Variants in CTNNA3 observed in about 807,000 individuals in gnomAD.
CTNNA3 encodes the protein catenin alpha-3.
CTNNA3 carries 76 observed loss-of-function variants against 95.7 expected under a neutral mutation model. The ratio of observed to expected loss-of-function variants is 0.79; its 90% confidence interval spans 0.66 to 0.96. The LOEUF is 0.96. Among genes scored for constraint, CTNNA3 ranks in the 40% least tolerant of loss-of-function variants. The probability of loss-of-function intolerance (pLI) is 0.00; values close to 1 mark genes in which losing one functional copy is unlikely to be tolerated. For missense variants in CTNNA3, 1,191 were observed against 1,089.8 expected (o/e 1.09, Z -1.31); for synonymous variants, 431 against 374.4 (o/e 1.15, Z -1.74).
rs967162602 is a variant in CTNNA3, at chr10:67,085,356, A to G, written c.1047+94961T>C. On this transcript the variant is annotated intron_variant, in intron 7 of 17. Transcript: ENST00000433211. ...ATCCTATGAAATAAAGTAAGAAAAA[A>G]TGAACCCTAATTTGTAAATGCTAGA... Among the ~76,000 whole-genome samples the G allele has an allele frequency of 2.0e-5, 3 of 152,002 alleles. No individual in the cohort carries two copies. The East Asian group carries it at 5.8e-4, about 29-fold the overall frequency.
chr10:67,152,186 C>T (rs988979142), intron 7 of CTNNA3, among the ~76,000 whole-genome samples: 4 of 152,194 alleles, frequency 2.6e-5, no homozygotes, highest in Non-Finnish European at 4.4e-5. Context: ...AACTTGGAGA[C>T]TTCCCTTCAG....
At chr10:67,560,688 C>T (rs1454277382) in intron 3 of CTNNA3, among the ~76,000 whole-genome samples, 2 of 152,144 alleles carry the variant, frequency 1.3e-5, no homozygotes, top group African/African-American at 4.8e-5. Context: ...CAGATACAGA[C>T]TGGCAAATTG....
intron 10 of CTNNA3, among the ~76,000 whole-genome samples, chr10:66,583,577 G>A (rs918900304): frequency 6.6e-6 from 1 of 151,254 alleles, no homozygotes; most frequent in African/African-American, 2.4e-5. Flanking sequence ...CTCTCTTCTT[G>A]TCTTGGTTTT....
intron 5 of CTNNA3, among the ~76,000 whole-genome samples, chr10:67,383,292 AG>A (rs951867274): frequency 2.6e-5 from 4 of 152,178 alleles, no homozygotes; most frequent in Admixed American, 1.3e-4. Flanking sequence ...AAGATGAAAA[AG>A]CCATGGTACC....
intron 7 of CTNNA3, among the ~76,000 whole-genome samples, chr10:66,825,590 GAATA>G (rs1291152262): frequency 4.6e-5 from 7 of 152,172 alleles, no homozygotes; most frequent in Admixed American, 2.6e-4. Context: ...TTGAATGAAT[GAATA>G]AATGAATGAA....
At position 67,567,927 on chromosome 10, in the gene CTNNA3, A is replaced by G. The variant is rs544278975; in HGVS notation, c.293-28258T>C. Among the ~76,000 whole-genome samples the G allele has an allele frequency of 1.2e-3, 178 of 152,198 alleles. 2 individuals are homozygous for G. Among genetic ancestry groups the G allele is most frequent in the African/African-American group, 3.9e-3 (163 of 41,546 alleles). ...GTTATGGTATTTTGTATTAAAAGAAATGCTATGGTATTTAGTATATTAATG... is the reference window on the plus strand; with the variant it reads ...GTTATGGTATTTTGTATTAAAAGAAGTGCTATGGTATTTAGTATATTAATG... On this transcript the variant is annotated intron_variant, in intron 3 of 17. Coordinates refer to ENST00000433211, the MANE Select transcript of CTNNA3 (RefSeq NM_013266.4).
intron 7 of CTNNA3, among the ~76,000 whole-genome samples, chr10:67,079,411 A>G (rs1158218113): frequency 6.6e-6 from 1 of 152,232 alleles, no homozygotes; most frequent in Non-Finnish European, 1.5e-5. Flanking sequence ...AGCAATCTAC[A>G]TAAAACATTT....
intron 5 of CTNNA3, among the ~76,000 whole-genome samples, chr10:67,425,329 G>GT (rs1437910446): frequency 6.6e-6 from 1 of 152,020 alleles, no homozygotes; most frequent in Non-Finnish European, 1.5e-5. Flanking sequence ...TGAAACCTCT[G>GT]TAATAGAAGT....
intron 15 of CTNNA3, among the ~76,000 whole-genome samples, chr10:66,006,009 C>CTTT (rs11415177): frequency 8.6e-6 from 1 of 116,026 alleles, no homozygotes; most frequent in Non-Finnish European, 1.7e-5. Flanking sequence ...CAAGGAAAGC[C>CTTT]TTTTTTTTTT....
intron 13 of CTNNA3, among the ~76,000 whole-genome samples, chr10:66,240,070 C>T (rs1165824226): frequency 6.6e-6 from 1 of 151,702 alleles, no homozygotes; most frequent in Non-Finnish European, 1.5e-5. Context: ...AAATACATTG[C>T]CTACATTGTG....
chr10:67,296,671 C>T lies in CTNNA3; in HGVS notation c.580-76801G>A, dbSNP rs953646274. On this transcript the variant is annotated intron_variant, in intron 5 of 17. Transcript: ENST00000433211. ...GTGCTGGGCCGGGCGTGGCAGCTCA[C>T]GCCTGTAATCCCAGCACTTTGGGAG... 4.2e-4 allele frequency among the ~76,000 whole-genome samples: 64 copies of T among 151,938 alleles called. 4 individuals carry two copies. Among genetic ancestry groups the T allele is most frequent in the Non-Finnish European group, 2.9e-5 (2 of 67,982 alleles).
chr10:66,698,812 A>G (rs1417109457), intron 9 of CTNNA3, among the ~76,000 whole-genome samples: 1 of 152,176 alleles, frequency 6.6e-6, no homozygotes, highest in Non-Finnish European at 1.5e-5. Flanking sequence ...GAAAAAGCAC[A>G]AGAGATGAAA....
intron 13 of CTNNA3, among the ~76,000 whole-genome samples, chr10:66,263,035 T>A (rs994212955): frequency 6.6e-6 from 1 of 152,004 alleles, no homozygotes; most frequent in African/African-American, 2.4e-5. Context: ...TTGAAACTAT[T>A]ATTCTCATTG....
At chr10:67,223,178 A>G (rs968053597) in intron 5 of CTNNA3, among the ~76,000 whole-genome samples, 6 of 152,354 alleles carry the variant, frequency 3.9e-5, no homozygotes, top group Admixed American at 2.0e-4. Context: ...GAAAACTGAC[A>G]AGGCATGACC....
chr10:66,446,618 C>CTA (rs2093423796), intron 11 of CTNNA3, among the ~76,000 whole-genome samples: 2 of 151,664 alleles, frequency 1.3e-5, no homozygotes, highest in African/African-American at 4.8e-5. Context: ...TTGACAAAAT[C>CTA]CAAAAACCCT....
chr10:66,041,627 C>T (rs747904217), intron 15 of CTNNA3, among the ~76,000 whole-genome samples: 6 of 152,162 alleles, frequency 3.9e-5, no homozygotes, highest in African/African-American at 1.4e-4. Context: ...TCTCTCTCTT[C>T]GATGTTGACA....
chr10:67,721,092 T>C (rs1428472789), intron 1 of CTNNA3, among the ~76,000 whole-genome samples: 2 of 152,216 alleles, frequency 1.3e-5, no homozygotes, highest in East Asian at 1.9e-4. Flanking sequence ...TTCTTTTCTT[T>C]CATTTCAACC....
intron 1 of CTNNA3, among the ~76,000 whole-genome samples, chr10:67,760,506 A>G (rs1841456617): frequency 6.6e-6 from 1 of 152,178 alleles, no homozygotes; most frequent in African/African-American, 2.4e-5. Context: ...AACATTATAG[A>G]GTGCACTTAC....
intron 11 of CTNNA3, among the ~76,000 whole-genome samples, chr10:66,421,424 T>C (rs1232308349): frequency 6.6e-6 from 1 of 152,158 alleles, no homozygotes; most frequent in Non-Finnish European, 1.5e-5. Flanking sequence ...TCCTAACCCA[T>C]AGAAATAATA....
Sources: allele counts gnomAD v4.1 joint callset (sites outside exome capture counted in the v4.1 genomes callset), GRCh38; gene constraint gnomAD v4.1.1; transcripts MANE v1.5; gene names NCBI Gene and HGNC (gene_info 2026-07-23, HGNC 2026-07-21).